The following CD1B variants were observed in gnomAD, a reference collection of about 807,000 sequenced individuals.
The protein encoded by CD1B is CD1b molecule, also known as T-cell surface glycoprotein CD1b.
CD1B carries 43 observed loss-of-function variants against 39.8 expected under a neutral mutation model. The observed-to-expected ratio is 1.08, with a 90% CI of 0.85 to 1.39. CD1B has a LOEUF of 1.39. Ranked by LOEUF, CD1B falls within the 40% of genes most tolerant of loss-of-function variation. The probability of loss-of-function intolerance (pLI) is 0.00; values close to 1 mark genes in which losing one functional copy is unlikely to be tolerated. For synonymous variants in CD1B, 192 were observed against 152.5 expected, an observed-to-expected ratio of 1.26 and a Z score of -1.91; for missense variants, 495 against 403.8, an observed-to-expected ratio of 1.23 and a Z score of -1.94.
intron 5 of CD1B, among the ~76,000 whole-genome samples, chr1:158,328,463 G>A (rs1652442753): frequency 1.3e-5 from 2 of 152,196 alleles, no homozygotes; most frequent in African/African-American, 4.8e-5. Context: ...ATGCTACAAT[G>A]AGGATATTAC....
At chr1:158,328,887 AT>A (rs1401415808) in intron 5 of CD1B, 33 bp downstream of exon 5, 1 of 1,423,484 alleles carries the variant, frequency 7.0e-7, no homozygotes. Flanking sequence ...GAAAAGACAT[AT>A]TAAAAAAAAA....
chr1:158,288,716 T>C, the CD1B span, among the ~76,000 whole-genome samples: 4 of 152,214 alleles, frequency 2.6e-5, no homozygotes, highest in Admixed American at 6.5e-5. Flanking sequence ...AGATTTTAAG[T>C]GACTGCTCCA....
chr1:158,309,442 A>G, the CD1B span, among the ~76,000 whole-genome samples: 3 of 152,302 alleles, frequency 2.0e-5, no homozygotes, highest in Admixed American at 2.0e-4. Context: ...AGGGATCTAG[A>G]ACTAGAAATA....
the CD1B span, chr1:158,291,508 AT>A: frequency 1.1e-4 from 126 of 1,109,090 alleles, no homozygotes; most frequent in Non-Finnish European, 1.6e-4. Context: ...CCACCATAAA[AT>A]TCTGCATAGA....
the CD1B span, among the ~76,000 whole-genome samples, chr1:158,298,574 G>A: frequency 2.3e-4 from 35 of 152,232 alleles, 1 homozygote; most frequent in African/African-American, 7.5e-4. Context: ...AGCTTGATAG[G>A]GATGGCATTG....
chr1:158,302,796 G>A, the CD1B span, among the ~76,000 whole-genome samples: 1 of 152,048 alleles, frequency 6.6e-6, no homozygotes, highest in Non-Finnish European at 1.5e-5. Context: ...TAATAAAAAG[G>A]TTGCCAATCA....
chr1:158,329,350 G>A lies in CD1B; in HGVS notation c.886+20C>T. On this transcript the variant is annotated intron_variant, in intron 4 of 5. Transcript: ENST00000368168. ...GATCACTTCCTGGCATTTCCAGCCT[G>A]GGTCCCTGCTATTTCTTACTCCAGT... 1 of 1,601,948 alleles carries A rather than the reference G, an allele frequency of 6.2e-7. No individual in the cohort carries two copies. Among genetic ancestry groups the A allele is most frequent in the Non-Finnish European group, 8.5e-7 (1 of 1,171,538 alleles).
the CD1B span, among the ~76,000 whole-genome samples, chr1:158,296,083 C>A: frequency 6.6e-6 from 1 of 152,118 alleles, no homozygotes; most frequent in African/African-American, 2.4e-5. Context: ...GAGTGTGGAC[C>A]CCACCATGCC....
At chr1:158,323,666 T>C (rs1203474971), downstream of CD1B, among the ~76,000 whole-genome samples, 1 of 152,228 alleles carries the variant, frequency 6.6e-6, no homozygotes, top group Non-Finnish European at 1.5e-5. Flanking sequence ...GCAAACCTAA[T>C]GTTAGATCGC....
At chr1:158,293,482 T>C in the CD1B span, 1 of 1,614,196 alleles carries the variant, frequency 6.2e-7, no homozygotes, top group Non-Finnish European at 8.5e-7. Flanking sequence ...TGTGAGACTC[T>C]TCCCCCTGAC....
the CD1B span, among the ~76,000 whole-genome samples, chr1:158,287,304 G>C: frequency 1.3e-5 from 2 of 150,744 alleles, no homozygotes; most frequent in Non-Finnish European, 2.9e-5. Context: ...CACACACACA[G>C]AGACAGAGAG....
chr1:158,319,639 G>A, the CD1B span, among the ~76,000 whole-genome samples: 34 of 152,210 alleles, frequency 2.2e-4, no homozygotes, highest in East Asian at 2.7e-3. Context: ...TAATTTGATC[G>A]TCTGAAGCCT....
chr1:158,321,033 A>G, the CD1B span, among the ~76,000 whole-genome samples: 1 of 152,164 alleles, frequency 6.6e-6, no homozygotes, highest in African/African-American at 2.4e-5. Flanking sequence ...TTTGGTCAGG[A>G]GTTCAGTTTA....
the CD1B span, among the ~76,000 whole-genome samples, chr1:158,301,289 T>C: frequency 6.6e-6 from 1 of 152,188 alleles, no homozygotes. Flanking sequence ...AGCTCATTTA[T>C]ATTTAAGGTT....
the CD1B span, among the ~76,000 whole-genome samples, chr1:158,312,210 G>A: frequency 2.0e-5 from 3 of 152,126 alleles, no homozygotes; most frequent in Non-Finnish European, 4.4e-5. Context: ...TTGTGGGAGG[G>A]ACCTAGTGGG....
chr1:158,302,149 A>G, the CD1B span, among the ~76,000 whole-genome samples: 1 of 152,170 alleles, frequency 6.6e-6, no homozygotes, highest in Non-Finnish European at 1.5e-5. Flanking sequence ...GCTCTGAAAA[A>G]CTATACAATT....
chr1:158,325,083 C>CCTTGATTCCATCAAGGTAAGA (rs1411390436), downstream of CD1B, among the ~76,000 whole-genome samples: 4 of 151,878 alleles, frequency 2.6e-5, no homozygotes, highest in African/African-American at 9.7e-5. Flanking sequence ...TATCTTATTA[C>CCTTGATTCCATCAAGGTAAGA]CTTGATTCCA....
the CD1B span, among the ~76,000 whole-genome samples, chr1:158,309,234 G>C: frequency 0.012 from 1,877 of 152,116 alleles, 38 homozygotes; most frequent in African/African-American, 0.04. Flanking sequence ...TGAAAAAACG[G>C]TCATCATCAC....
the CD1B span, among the ~76,000 whole-genome samples, chr1:158,287,328 CAGAG>C: frequency 3.3e-5 from 5 of 151,926 alleles, no homozygotes; most frequent in African/African-American, 7.3e-5. Flanking sequence ...CAGGGAGAGA[CAGAG>C]AGACAGAGAA....
Sources: gnomAD v4.1 joint callset for allele counts (sites outside exome capture counted in the v4.1 genomes callset) on GRCh38, gnomAD v4.1.1 for gene constraint, MANE v1.5 for transcripts, NCBI Gene and HGNC (gene_info 2026-07-23, HGNC 2026-07-21) for gene names.